The following IQCE variants were observed in gnomAD, a reference collection of about 807,000 sequenced individuals.
IQCE encodes IQ motif containing E.
Under a neutral mutation model 96.0 loss-of-function variants are expected in IQCE, and 115 were observed. The observed-to-expected ratio is 1.20, with a 90% CI of 1.03 to 1.40. The LOEUF (loss-of-function observed/expected upper bound fraction) is 1.40. Among genes scored for constraint, IQCE ranks in the 40% most tolerant of loss-of-function variants. The probability of loss-of-function intolerance (pLI) is 0.00; values close to 1 mark genes in which losing one functional copy is unlikely to be tolerated. For synonymous variants in IQCE, 412 were observed against 371.2 expected, an observed-to-expected ratio of 1.11 and a Z score of -1.26; for missense variants, 1,041 against 909.1, an observed-to-expected ratio of 1.15 and a Z score of -1.87.
intron 1 of IQCE, among the ~76,000 whole-genome samples, 177 bp from the exon 2 acceptor site, chr7:2,566,939 T>C (rs1213351862): frequency 6.6e-6 from 1 of 152,240 alleles, no homozygotes; most frequent in Non-Finnish European, 1.5e-5. Flanking sequence ...CCATTCCTTC[T>C]GATGAGACTG....
In IQCE at chr7:2,582,640, G is replaced by C. The variant is rs1049739205; in HGVS notation, c.691G>C (p.Gly231Arg). ...KLEQQCKEKDGTISKLQTDMK... is the reference protein window; with the variant it reads ...KLEQQCKEKDRTISKLQTDMK... ...GGAACAGCAGTGCAAGGAGAAGGAC[G>C]GCACCATCAGGTGGGCGCAGGGCTG... Residue 231 changes from glycine (G) to arginine (R), a missense_variant, in exon 9 of 22, where the codon GGC becomes CGC. By Grantham distance (125) the Gly-to-Arg change is moderately radical. Coordinates refer to ENST00000402050, the MANE Select transcript of IQCE (RefSeq NM_152558.5). 5 of 1,613,818 alleles carry C rather than the reference G, an allele frequency of 3.1e-6. No homozygotes were observed. The highest frequency in any genetic ancestry group is 1.3e-5 in the African/African-American group (1 of 75,014).
chr7:2,569,036 A>T (rs771627025), intron 3 of IQCE, 37 bp downstream of exon 3: 2 of 1,598,230 alleles, frequency 1.3e-6, no homozygotes, highest in East Asian at 2.2e-5. Context: ...TCTCACGCCG[A>T]CGTTCCCTGG....
rs111226814 is a variant in IQCE, at chr7:2,570,302, C to T, written c.131-1224C>T. On this transcript the variant is annotated intron_variant, in intron 3 of 21. Coordinates refer to ENST00000402050, the MANE Select transcript of IQCE (RefSeq NM_152558.5). ...CTTCTTCCCTCCCCGCTTTTATCCCCGCTTTCATGCTTTCCTGAGGAACCC... is the reference window on the plus strand; with the variant it reads ...CTTCTTCCCTCCCCGCTTTTATCCCTGCTTTCATGCTTTCCTGAGGAACCC... 8.4e-3 allele frequency among the ~76,000 whole-genome samples: 1,285 copies of T among 152,242 alleles called. 13 individuals are homozygous for T. The highest frequency in any genetic ancestry group is 0.014 in the Non-Finnish European group (954 of 68,020).
intron 5 of IQCE, 134 bp downstream of exon 5, chr7:2,572,460 G>C: frequency 1.1e-6 from 1 of 936,412 alleles, no homozygotes; most frequent in Non-Finnish European, 1.6e-6. Flanking sequence ...GGGAGGTTTT[G>C]GGAGGTCGTG....
chr7:2,572,223 C>A lies in IQCE; in HGVS notation c.291C>A (p.Leu97=). 1 of 1,614,198 alleles carries A rather than the reference C, an allele frequency of 6.2e-7. No individual in the cohort carries two copies. Among genetic ancestry groups the A allele is most frequent in the Non-Finnish European group, 8.5e-7 (1 of 1,180,014 alleles). ...TGACCCAGGCCCTGAACTCACCCCTCACCTGGGAGCATGCGTGGACTGGCG... is the reference window on the plus strand; with the variant it reads ...TGACCCAGGCCCTGAACTCACCCCTAACCTGGGAGCATGCGTGGACTGGCG... ...GSLTQALNSP[L]TWEHAWTGVP... Residue 97 remains leucine, a synonymous_variant, in exon 5 of 22, where the codon CTC becomes CTA. Transcript: ENST00000402050.
At chr7:2,577,883 G>T in intron 6 of IQCE, among the ~76,000 whole-genome samples, 1 of 135,292 alleles carries the variant, frequency 7.4e-6, no homozygotes, top group Non-Finnish European at 1.6e-5. Context: ...ACGTGTGTGC[G>T]GCGTGCCCGC....
Position 2,582,631 on chromosome 7 carries a change from GAGA to G in IQCE, c.685_687del (p.Lys229del), listed in dbSNP as rs1562644606. The G allele has an allele frequency of 6.2e-7, 1 of 1,614,040 alleles. No individual in the cohort carries two copies. Among genetic ancestry groups the G allele is most frequent in the Admixed American group, 1.7e-5 (1 of 60,022 alleles). On this transcript the variant is annotated inframe_deletion, in exon 9 of 22. Transcript: ENST00000402050. ...CCTGAAGCTGGAACAGCAGTGCAAGGAGAAGGACGGCACCATCAGGTGGGCGCA... is the reference window on the plus strand; with the variant it reads ...CCTGAAGCTGGAACAGCAGTGCAAGGAGGACGGCACCATCAGGTGGGCGCA...
intron 15 of IQCE, among the ~76,000 whole-genome samples, chr7:2,594,206 G>T (rs1044504250): frequency 4.6e-5 from 7 of 152,208 alleles, no homozygotes; most frequent in Admixed American, 3.3e-4. Context: ...GTTGCAGTGA[G>T]CAGAGAGCAT....
chr7:2,614,240 G>A lies in IQCE; in HGVS notation c.*4078G>A, dbSNP rs1785211461. The A allele has an allele frequency of 6.6e-6, 1 of 152,166 alleles. No individual in the cohort carries two copies. The highest frequency in any genetic ancestry group is 1.9e-4 in the East Asian group (1 of 5,202). The allele number at this position is 152,166 out of a possible 1,614,324, so 9.4% of individuals were successfully genotyped here. On this transcript the variant is annotated 3_prime_UTR_variant, in exon 22 of 22. Transcript: ENST00000402050. ...GGAATAAAAACCTGCAGAAAGCACC[G>A]ATAACCTTCAAGATCTGAATGAGAT...
At position 2,572,173 on chromosome 7, in the gene IQCE, C is replaced by A. The variant is rs766033543; in HGVS notation, c.260-19C>A. 7.5e-6 allele frequency: 12 copies of A among 1,608,088 alleles called. No individual in the cohort carries two copies. The African/African-American group carries it at 1.6e-4, about 22-fold the overall frequency. Reference sequence around the variant, plus strand: ...TGTGCTTGTATCTGTCATATTAAACCCATGCACATTCAAACCAGGAAGTCT... The same window carrying A: ...TGTGCTTGTATCTGTCATATTAAACACATGCACATTCAAACCAGGAAGTCT... On this transcript the variant is annotated intron_variant, in intron 4 of 21. Coordinates refer to ENST00000402050, the MANE Select transcript of IQCE (RefSeq NM_152558.5).
intron 12 of IQCE, among the ~76,000 whole-genome samples, chr7:2,587,081 C>T (rs1015741931): frequency 2.6e-5 from 4 of 152,206 alleles, no homozygotes; most frequent in Non-Finnish European, 4.4e-5. Context: ...GGTCTGGTTG[C>T]ATCTTGTAGC....
chr7:2,600,619 T>C (rs1201975228), intron 17 of IQCE, among the ~76,000 whole-genome samples: 2 of 152,212 alleles, frequency 1.3e-5, no homozygotes, highest in African/African-American at 2.4e-5. Context: ...GGCTTGTCTG[T>C]CTGTCTCACT....
intron 16 of IQCE, 65 bp from the exon 17 acceptor site, chr7:2,598,400 C>A (rs554772043): frequency 3.0e-5 from 44 of 1,456,838 alleles, no homozygotes; most frequent in Non-Finnish European, 5.5e-6. Flanking sequence ...ATCCTGTCCC[C>A]TTGCCGGATA....
chr7:2,578,658 A>T (rs1185970855), intron 8 of IQCE, 132 bp downstream of exon 8: 1 of 961,734 alleles, frequency 1.0e-6, no homozygotes, highest in Non-Finnish European at 1.6e-6. Flanking sequence ...CGGACCCCCA[A>T]ACCCTTCTCC....
At chr7:2,586,667 G>T (rs1228694960) in intron 12 of IQCE, among the ~76,000 whole-genome samples, 1 of 152,236 alleles carries the variant, frequency 6.6e-6, no homozygotes, top group Non-Finnish European at 1.5e-5. Flanking sequence ...ATGGAGGAGG[G>T]GAGGAGGACA....
rs1386406082 is a variant in IQCE at position 2,611,148 on chromosome 7, C to CCGGGCCGGGCCGGGCCGG, written c.*986_*987insCGGGCCGGGCCGGGCCGG. 2 of 152,342 alleles carry CCGGGCCGGGCCGGGCCGG rather than the reference C, an allele frequency of 1.3e-5. No individual in the cohort carries two copies. The highest frequency in any genetic ancestry group is 4.9e-5 in the African/African-American group (2 of 41,140). 9.4% of individuals were successfully genotyped at this position (152,342 alleles called of 1,614,324 possible). Reference sequence around the variant, plus strand: ...CTGGGCTGGGCTGGGCTGGGCCGGGCGTGCGGAGCCTGTGGAGCCAGCAGC... The same window carrying CCGGGCCGGGCCGGGCCGG: ...CTGGGCTGGGCTGGGCTGGGCCGGGCCGGGCCGGGCCGGGCCGGGTGCGGAGCCTGTGGAGCCAGCAGC... On this transcript the variant is annotated 3_prime_UTR_variant, in exon 22 of 22. Coordinates refer to ENST00000402050, the MANE Select transcript of IQCE (RefSeq NM_152558.5).
chr7:2,562,861 T>G (rs1781070429), intron 1 of IQCE, among the ~76,000 whole-genome samples: 1 of 152,046 alleles, frequency 6.6e-6, no homozygotes, highest in African/African-American at 2.4e-5. Context: ...CTTTCTTTTT[T>G]TTTTTTAATA....
At chr7:2,586,449 C>T (rs1313475359) in intron 12 of IQCE, 78 bp downstream of exon 12, 1 of 1,428,694 alleles carries the variant, frequency 7.0e-7, no homozygotes, top group Non-Finnish European at 9.6e-7. Flanking sequence ...TGGGTAGGCC[C>T]AACTGAGGAC....
intron 7 of IQCE, 22 bp from the exon 8 acceptor site, chr7:2,578,454 T>C: frequency 6.2e-7 from 1 of 1,614,126 alleles, no homozygotes; most frequent in Non-Finnish European, 8.5e-7. Context: ...GCCGTCTTCA[T>C]GTCTCAATCT....
Sources: allele counts gnomAD v4.1 joint callset (sites outside exome capture counted in the v4.1 genomes callset), GRCh38; gene constraint gnomAD v4.1.1; transcripts MANE v1.5; gene names NCBI Gene and HGNC (gene_info 2026-07-23, HGNC 2026-07-21).